GALNTL6: variants seen among roughly 807,000 people sequenced by gnomAD.
GALNTL6 encodes polypeptide N-acetylgalactosaminyltransferase like 6, also known as polypeptide N-acetylgalactosaminyltransferase-like 6.
In GALNTL6, 46 loss-of-function variants were observed where a neutral mutation model predicts 73.7. The ratio of observed to expected loss-of-function variants is 0.62; its 90% confidence interval spans 0.49 to 0.80. GALNTL6 has a LOEUF of 0.80. Ranked by LOEUF, GALNTL6 falls within the 30% of genes least tolerant of loss-of-function variation. The pLI is 0.00. For missense variants in GALNTL6, 604 were observed against 755.0 expected, an observed-to-expected ratio of 0.80 and a Z score of 2.34; for synonymous variants, 259 against 263.7, an observed-to-expected ratio of 0.98 and a Z score of 0.17.
At chr4:172,936,154 A>T (rs940128063) in intron 9 of GALNTL6, among the ~76,000 whole-genome samples, 3 of 152,212 alleles carry the variant, frequency 2.0e-5, no homozygotes, top group Non-Finnish European at 4.4e-5. Context: ...ATAATCCATC[A>T]CATAAGCAGA....
chr4:172,176,075 C>G (rs1474801497), intron 2 of GALNTL6, among the ~76,000 whole-genome samples: 1 of 152,044 alleles, frequency 6.6e-6, no homozygotes, highest in South Asian at 2.1e-4. Context: ...CGCGGTGGCT[C>G]ACGCCTGTAA....
intron 2 of GALNTL6, among the ~76,000 whole-genome samples, chr4:172,038,669 G>C: frequency 6.6e-6 from 1 of 152,124 alleles, no homozygotes; most frequent in East Asian, 1.9e-4. Flanking sequence ...GTTGGTCACC[G>C]GTCATTTGTT....
intron 2 of GALNTL6, among the ~76,000 whole-genome samples, chr4:172,074,829 G>A (rs896238634): frequency 6.6e-6 from 1 of 152,164 alleles, no homozygotes; most frequent in Admixed American, 6.5e-5. Context: ...GGTGTACTAA[G>A]GAGATGTTTT....
chr4:172,367,519 C>A (rs1742611819), intron 5 of GALNTL6, among the ~76,000 whole-genome samples: 1 of 151,956 alleles, frequency 6.6e-6, no homozygotes, highest in Non-Finnish European at 1.5e-5. Context: ...TAATCTTGTT[C>A]TTATTTGAAT....
rs199612301 is a variant in GALNTL6, at chr4:172,079,870, TA to T, written c.139-149778del. ...CAAAATTTTGTTCTCTTTAACTTTT[TA>T]AAAAAAATTTGATTGATACTAGTTT... On this transcript the variant is annotated intron_variant, in intron 2 of 12. Transcript: ENST00000506823. Among the ~76,000 whole-genome samples, 1,130 of 152,078 alleles carry T rather than the reference TA, an allele frequency of 7.4e-3. 22 individuals are homozygous for T. Among genetic ancestry groups the T allele is most frequent in the African/African-American group, 0.025 (1,046 of 41,504 alleles).
rs937126387 is a variant in GALNTL6, at chr4:172,889,021, A to G, written c.1041+6114A>G. ...TACATTTGCTTTTGTGTGTGTGGCT[A>G]TCGTAAGTGAGATTGCATTATTGAT... On this transcript the variant is annotated intron_variant, in intron 8 of 12. Coordinates refer to ENST00000506823, the MANE Select transcript of GALNTL6 (RefSeq NM_001034845.3). Among the ~76,000 whole-genome samples the G allele has an allele frequency of 4.6e-5, 7 of 152,130 alleles. No individual in the cohort carries two copies. In the East Asian group the frequency reaches 1.4e-3, roughly 29 times the overall value.
At chr4:172,609,625 C>CTCTG (rs753051714) in intron 5 of GALNTL6, among the ~76,000 whole-genome samples, 44 of 92,780 alleles carry the variant, frequency 4.7e-4, no homozygotes, top group African/African-American at 1.8e-3. Flanking sequence ...CTCTCTCTCT[C>CTCTG]TGTGTGTGTG....
chr4:171,912,732 C>A (rs1737511613), intron 2 of GALNTL6, among the ~76,000 whole-genome samples: 1 of 152,168 alleles, frequency 6.6e-6, no homozygotes, highest in African/African-American at 2.4e-5. Flanking sequence ...CTAGTAACCA[C>A]CACTCTACCC....
intron 7 of GALNTL6, among the ~76,000 whole-genome samples, chr4:172,872,992 C>T (rs1324464608): frequency 6.6e-6 from 1 of 152,224 alleles, no homozygotes; most frequent in Admixed American, 6.5e-5. Flanking sequence ...AACTCACCCT[C>T]TCTATGCCAT....
At chr4:172,943,065 C>A (rs964055605) in intron 9 of GALNTL6, among the ~76,000 whole-genome samples, 2 of 151,888 alleles carry the variant, frequency 1.3e-5, no homozygotes, top group African/African-American at 4.8e-5. Context: ...TGAAAATTGG[C>A]AACCATACTT....
intron 5 of GALNTL6, among the ~76,000 whole-genome samples, chr4:172,805,213 C>G (rs531722394): frequency 6.0e-4 from 92 of 152,220 alleles, no homozygotes; most frequent in Non-Finnish European, 6.5e-4. Flanking sequence ...ACTCTTCTGA[C>G]TATGCAAATT....
intron 5 of GALNTL6, among the ~76,000 whole-genome samples, chr4:172,698,881 A>G (rs1186228348): frequency 2.6e-5 from 4 of 152,192 alleles, no homozygotes; most frequent in Non-Finnish European, 5.9e-5. Context: ...GTATAAAGGC[A>G]TCTAATCAGT....
At chr4:173,003,387 A>G (rs1752132715) in intron 10 of GALNTL6, among the ~76,000 whole-genome samples, 1 of 152,202 alleles carries the variant, frequency 6.6e-6, no homozygotes, top group African/African-American at 2.4e-5. Flanking sequence ...CAGGCCTGCA[A>G]TGCTGGGCCA....
chr4:172,246,818 G>GTA (rs201662412), intron 3 of GALNTL6, among the ~76,000 whole-genome samples: 65 of 143,170 alleles, frequency 4.5e-4, no homozygotes, highest in East Asian at 1.4e-3. Context: ...ATATATATAT[G>GTA]TATATATATA....
rs544615913 is a variant in GALNTL6 at position 172,828,959 on chromosome 4, C to T, written c.923+15236C>T. Among the ~76,000 whole-genome samples, 162 of 152,264 alleles carry T rather than the reference C, an allele frequency of 1.1e-3. 1 individual carries two copies. The highest frequency in any genetic ancestry group is 0.011 in the Admixed American group (162 of 15,296). On this transcript the variant is annotated intron_variant, in intron 7 of 12. Transcript: ENST00000506823. ...AAGAAGTCCTAAGTCAAGGTGTCGG[C>T]GGAGCTATGCATGCTCCCTCTGAAA...
At chr4:172,976,264 A>T (rs879841098) in intron 10 of GALNTL6, among the ~76,000 whole-genome samples, 7 of 152,274 alleles carry the variant, frequency 4.6e-5, no homozygotes, top group Non-Finnish European at 1.0e-4. Flanking sequence ...TCATTAAAAG[A>T]TCAAAATAAT....
chr4:172,715,388 G>T (rs1301655154), intron 5 of GALNTL6, among the ~76,000 whole-genome samples: 3 of 152,192 alleles, frequency 2.0e-5, no homozygotes, highest in Admixed American at 1.3e-4. Context: ...TTTCCATTAA[G>T]ATGAGAAAGG....
At chr4:173,032,319 C>T (rs969269514) in intron 12 of GALNTL6, among the ~76,000 whole-genome samples, 1 of 152,066 alleles carries the variant, frequency 6.6e-6, no homozygotes, top group African/African-American at 2.4e-5. Flanking sequence ...GGCGTGGTGG[C>T]GGATGACTGT....
At chr4:171,949,070 T>C (rs1738789495) in intron 2 of GALNTL6, among the ~76,000 whole-genome samples, 1 of 151,800 alleles carries the variant, frequency 6.6e-6, no homozygotes, top group African/African-American at 2.4e-5. Flanking sequence ...AGAACAAGAA[T>C]CTAGAAAAGT....
Sources: gnomAD v4.1 joint callset for allele counts (sites outside exome capture counted in the v4.1 genomes callset) on GRCh38, gnomAD v4.1.1 for gene constraint, MANE v1.5 for transcripts, NCBI Gene and HGNC (gene_info 2026-07-23, HGNC 2026-07-21) for gene names.